The following LMBRD1 variants were observed in gnomAD, a reference collection of about 807,000 sequenced individuals.
LMBRD1 encodes lysosomal cobalamin transport escort protein LMBD1.
LMBRD1 carries 64 observed loss-of-function variants against 74.8 expected under a neutral mutation model. The ratio of observed to expected loss-of-function variants is 0.86; its 90% CI spans 0.70 to 1.05. LMBRD1 has a LOEUF of 1.05. LMBRD1 is among the 50% of genes least tolerant of loss of function. The pLI, the probability that LMBRD1 is intolerant of heterozygous loss-of-function variation, is 0.00. For synonymous variants in LMBRD1, 204 were observed against 216.3 expected, an observed-to-expected ratio of 0.94 and a Z score of 0.50; for missense variants, 652 against 645.9, an observed-to-expected ratio of 1.01 and a Z score of -0.10.
At position 69,766,838 on chromosome 6, in the gene LMBRD1, G is replaced by A. The variant is rs199623007; in HGVS notation, c.307+13656C>T. ...ATTCTTCACATATTTCTTGTGTGAAGAAATCTAGGTATGGGGTTCTCTTTG... is the reference window on the plus strand; with the variant it reads ...ATTCTTCACATATTTCTTGTGTGAAAAAATCTAGGTATGGGGTTCTCTTTG... On this transcript the variant is annotated intron_variant, in intron 3 of 15. Coordinates refer to ENST00000649934, the MANE Select transcript of LMBRD1 (RefSeq NM_018368.4). Among the ~76,000 whole-genome samples, 72 of 151,598 alleles carry A rather than the reference G, an allele frequency of 4.7e-4. No individual in the cohort carries two copies. In the East Asian group the frequency reaches 0.012, roughly 26 times the overall value.
chr6:69,727,374 T>C (rs1038973740), intron 7 of LMBRD1, among the ~76,000 whole-genome samples: 33 of 152,314 alleles, frequency 2.2e-4, no homozygotes, highest in African/African-American at 7.7e-4. Context: ...CAAGGAACAT[T>C]TCTTTTGAGC....
intron 3 of LMBRD1, among the ~76,000 whole-genome samples, chr6:69,778,267 T>G (rs992897480): frequency 6.6e-6 from 1 of 152,252 alleles, no homozygotes; most frequent in African/African-American, 2.4e-5. Context: ...AAATCAAGCC[T>G]TAAGTCCCAA....
At chr6:69,745,547 C>T (rs1249644325) in intron 5 of LMBRD1, among the ~76,000 whole-genome samples, 1 of 152,112 alleles carries the variant, frequency 6.6e-6, no homozygotes, top group Non-Finnish European at 1.5e-5. Flanking sequence ...CGTGAGCCAC[C>T]GCGCCCGGCC....
intron 7 of LMBRD1, 58 bp downstream of exon 7, chr6:69,737,884 A>G: frequency 9.6e-7 from 1 of 1,037,884 alleles, no homozygotes; most frequent in South Asian, 1.4e-5. Context: ...ATAAATTACT[A>G]AGGTAAAAAA....
intron 14 of LMBRD1, among the ~76,000 whole-genome samples, chr6:69,687,673 A>C (rs1233022118): frequency 6.6e-6 from 1 of 152,220 alleles, no homozygotes; most frequent in Non-Finnish European, 1.5e-5. Context: ...CAACACAGTC[A>C]TTACTTAATA....
chr6:69,781,348 G>C (rs928737128), intron 2 of LMBRD1, among the ~76,000 whole-genome samples: 15 of 152,118 alleles, frequency 9.9e-5, no homozygotes, highest in African/African-American at 3.1e-4. Context: ...AATTAAACGT[G>C]GAGAATCTAA....
At chr6:69,749,200 TC>T (rs1765061036) in intron 5 of LMBRD1, 140 bp downstream of exon 5, 4 of 687,116 alleles carry the variant, frequency 5.8e-6, no homozygotes, top group African/African-American at 3.6e-5. Context: ...TGGCTATTGT[TC>T]CTTGGAGATT....
intron 4 of LMBRD1, among the ~76,000 whole-genome samples, chr6:69,749,762 A>G (rs1218225199): frequency 1.3e-5 from 2 of 151,142 alleles, no homozygotes; most frequent in Admixed American, 6.6e-5. Flanking sequence ...CAATTCATCA[A>G]AATGGTTTAT....
intron 8 of LMBRD1, among the ~76,000 whole-genome samples, chr6:69,714,041 TA>T (rs1247488368): frequency 2.6e-5 from 4 of 152,064 alleles, no homozygotes; most frequent in Non-Finnish European, 5.9e-5. Flanking sequence ...ATGGTAGAGT[TA>T]TGTGGAGAGA....
In LMBRD1 at chr6:69,785,470, G is replaced by A. The variant is rs1384463623; in HGVS notation, c.246+4826C>T. 5.3e-5 allele frequency among the ~76,000 whole-genome samples: 8 copies of A among 152,106 alleles called. No individual in the cohort carries two copies. In the East Asian group the frequency reaches 5.8e-4, roughly 11 times the overall value. Reference sequence around the variant, plus strand: ...TACACACTTTAAAGGTAGCCTGTCCGAACTATAACTCTTTTCTCTACACCC... The same window carrying A: ...TACACACTTTAAAGGTAGCCTGTCCAAACTATAACTCTTTTCTCTACACCC... On this transcript the variant is annotated intron_variant, in intron 2 of 15. Coordinates refer to ENST00000649934, the MANE Select transcript of LMBRD1 (RefSeq NM_018368.4).
chr6:69,747,435 T>C (rs1369342748), intron 5 of LMBRD1, among the ~76,000 whole-genome samples: 1 of 152,224 alleles, frequency 6.6e-6, no homozygotes, highest in Non-Finnish European at 1.5e-5. Flanking sequence ...AGCCACCCAG[T>C]CTATGATACC....
intron 3 of LMBRD1, 105 bp downstream of exon 3, chr6:69,780,389 T>C (rs572575730): frequency 2.4e-6 from 2 of 834,464 alleles, no homozygotes; most frequent in South Asian, 2.7e-5. Context: ...GTCATTTTTT[T>C]CTAATTCGAC....
At chr6:69,698,145 C>T (rs1766046889) in intron 13 of LMBRD1, among the ~76,000 whole-genome samples, 1 of 151,988 alleles carries the variant, frequency 6.6e-6, no homozygotes, top group Non-Finnish European at 1.5e-5. Flanking sequence ...ATTCATGTAC[C>T]TCCATCATGA....
At position 69,676,168 on chromosome 6, in the gene LMBRD1, T is replaced by G; in HGVS notation, c.1613A>C (p.Tyr538Ser). The G allele has an allele frequency of 6.2e-7, 1 of 1,612,322 alleles. No homozygotes were observed. The highest frequency in any genetic ancestry group is 8.5e-7 in the Non-Finnish European group (1 of 1,178,674). Reference sequence around the variant, plus strand: ...TAAGACAGAAGGCTGTCAAGCAGAATAGACAGAGGGCTCATCATCACTTAT... The same window carrying G: ...TAAGACAGAAGGCTGTCAAGCAGAAGAGACAGAGGGCTCATCATCACTTAT... The part of the protein sequence containing the change: ...SDISDDEPSV[Y>S]SA Residue 538 changes from tyrosine to serine, a missense_variant, in exon 16 of 16, where the codon TAT becomes TCT. Transcript: ENST00000649934.
chr6:69,718,810 GAC>G (rs1449203826), intron 8 of LMBRD1, 144 bp downstream of exon 8: 1 of 770,652 alleles, frequency 1.3e-6, no homozygotes, highest in Non-Finnish European at 2.2e-6. Flanking sequence ...TTTAAGTGAG[GAC>G]ACAGTCAAAC....
intron 14 of LMBRD1, among the ~76,000 whole-genome samples, chr6:69,696,256 C>G (rs1001416168): frequency 9.2e-5 from 14 of 152,052 alleles, no homozygotes; most frequent in Admixed American, 8.5e-4. Context: ...TATTTCACAC[C>G]CTCATGACCA....
chr6:69,727,917 ATAATT>A (rs1766770807), intron 7 of LMBRD1, among the ~76,000 whole-genome samples: 1 of 152,160 alleles, frequency 6.6e-6, no homozygotes. Context: ...AAGTAACAGA[ATAATT>A]TAAGACTCTG....
At chr6:69,677,391 G>A (rs567969758) in intron 14 of LMBRD1, among the ~76,000 whole-genome samples, 2 of 152,138 alleles carry the variant, frequency 1.3e-5, no homozygotes, top group African/African-American at 4.8e-5. Context: ...AAAGGCAGGG[G>A]AAGGTTAGAA....
At chr6:69,749,553 T>G (rs1466178132) in intron 4 of LMBRD1, 145 bp from the exon 5 acceptor site, 1 of 684,390 alleles carries the variant, frequency 1.5e-6, no homozygotes, top group East Asian at 2.8e-5. Context: ...CCTTAAAATT[T>G]AAAGAAAACA....
Sources: gnomAD v4.1 joint callset for allele counts (sites outside exome capture counted in the v4.1 genomes callset) on GRCh38, gnomAD v4.1.1 for gene constraint, MANE v1.5 for transcripts, NCBI Gene and HGNC (gene_info 2026-07-23, HGNC 2026-07-21) for gene names.